Variants in IFT122 observed in about 807,000 individuals in gnomAD.
IFT122 encodes the protein intraflagellar transport protein 122 homolog.
In IFT122, 118 loss-of-function variants were observed where a neutral mutation model predicts 161.6. The observed-to-expected ratio is 0.73, with a 90% CI of 0.63 to 0.85. The LOEUF is 0.85. Among genes scored for constraint, IFT122 ranks in the 40% least tolerant of loss-of-function variants. The pLI is 0.00. For missense variants in IFT122, 1,381 were observed against 1,579.6 expected (o/e 0.87, Z 2.13); for synonymous variants, 550 against 602.4 (o/e 0.91, Z 1.27).
At chr3:129,509,113 G>A (rs2082497272) in intron 23 of IFT122, among the ~76,000 whole-genome samples, 1 of 152,200 alleles carries the variant, frequency 6.6e-6, no homozygotes, top group Non-Finnish European at 1.5e-5. Context: ...CGGTTGTCAT[G>A]TAAAGTCCAC....
At chr3:129,519,057 GT>G in intron 27 of IFT122, 49 bp from the exon 28 acceptor site, 1 of 1,484,454 alleles carries the variant, frequency 6.7e-7, no homozygotes, top group Non-Finnish European at 9.4e-7. Flanking sequence ...GGAGGCTAGG[GT>G]CTGTCTCCAT....
chr3:129,504,850 T>C (rs555354353), intron 21 of IFT122, among the ~76,000 whole-genome samples: 4 of 152,210 alleles, frequency 2.6e-5, no homozygotes, highest in African/African-American at 9.6e-5. Context: ...AGGGAGGTAA[T>C]GTGAGCCAGG....
chr3:129,476,020 C>G (rs886872337), intron 9 of IFT122: 10 of 464,126 alleles, frequency 2.2e-5, no homozygotes, highest in African/African-American at 2.0e-4. Flanking sequence ...CCCACAGTCT[C>G]CATCTTGGCG....
intron 14 of IFT122, 86 bp downstream of exon 14, chr3:129,481,780 GCTCTGGCC>G: frequency 6.8e-7 from 1 of 1,471,946 alleles, no homozygotes; most frequent in Non-Finnish European, 9.5e-7. Context: ...AGGCTCTCCT[GCTCTGGCC>G]CAGGCAGGTC....
At chr3:129,476,920 AGCCACTGGGTCTGTGT>A in intron 11 of IFT122, 119 bp downstream of exon 11, 1 of 1,145,774 alleles carries the variant, frequency 8.7e-7, no homozygotes, top group South Asian at 1.3e-5. Flanking sequence ...CAAACCTGTT[AGCCACTGGGTCTGTGT>A]CTTGTTTTCT....
At chr3:129,498,234 T>G (rs1198970651) in intron 18 of IFT122, among the ~76,000 whole-genome samples, 1 of 152,244 alleles carries the variant, frequency 6.6e-6, no homozygotes, top group East Asian at 1.9e-4. Flanking sequence ...TATGGCTCCC[T>G]CTCAGCCTCT....
chr3:129,451,777 G>A (rs1322539894), intron 2 of IFT122, 137 bp from the exon 3 acceptor site: 1 of 751,380 alleles, frequency 1.3e-6, no homozygotes, highest in Non-Finnish European at 2.3e-6. Flanking sequence ...TTTTGGTTTT[G>A]CAGTGCAGTT....
chr3:129,514,678 C>A (rs2083260331), intron 25 of IFT122, 124 bp downstream of exon 25: 2 of 1,143,458 alleles, frequency 1.7e-6, no homozygotes, highest in South Asian at 1.3e-5. Flanking sequence ...GCTCTGTGCC[C>A]CCTGCTCAAG....
intron 16 of IFT122, among the ~76,000 whole-genome samples, chr3:129,491,623 C>G (rs1353370683): frequency 6.6e-6 from 1 of 152,178 alleles, no homozygotes; most frequent in Non-Finnish European, 1.5e-5. Context: ...TTTATACCCT[C>G]TCAGCTTTCC....
intron 17 of IFT122, among the ~76,000 whole-genome samples, chr3:129,493,404 C>T (rs1358799320): frequency 3.9e-5 from 6 of 152,200 alleles, no homozygotes; most frequent in Non-Finnish European, 7.3e-5. Context: ...AGCCTCATAA[C>T]GTAATCTGCT....
intron 1 of IFT122, among the ~76,000 whole-genome samples, chr3:129,446,023 A>G (rs2073944631): frequency 6.6e-6 from 1 of 152,174 alleles, no homozygotes; most frequent in South Asian, 2.1e-4. Flanking sequence ...GTTTCAGGCC[A>G]TGATGGGAAA....
chr3:129,483,818 T>A (rs1577699376), intron 15 of IFT122, 136 bp downstream of exon 15: 1 of 974,498 alleles, frequency 1.0e-6, no homozygotes, highest in East Asian at 2.6e-5. Context: ...GGAGGCAGTC[T>A]GGGCCTGGAA....
chr3:129,516,958 G>T (rs1277878576), intron 26 of IFT122, among the ~76,000 whole-genome samples: 1 of 118,422 alleles, frequency 8.4e-6, no homozygotes, highest in Non-Finnish European at 1.7e-5. Flanking sequence ...CACAGAGACT[G>T]CCCCTACACA....
intron 3 of IFT122, 86 bp from the exon 4 acceptor site, chr3:129,458,513 T>C: frequency 8.7e-7 from 1 of 1,146,250 alleles, no homozygotes; most frequent in Non-Finnish European, 1.3e-6. Context: ...CTAGGTACCT[T>C]AAAGAACTAG....
chr3:129,465,114 A>AGTGTGTGTGTGTGT (rs56116340), intron 7 of IFT122, among the ~76,000 whole-genome samples: 2 of 142,304 alleles, frequency 1.4e-5, no homozygotes, highest in South Asian at 2.3e-4. Context: ...CATGTATATG[A>AGTGTGTGTGTGTGT]GTGTGTGTGT....
chr3:129,515,718 T>C, intron 26 of IFT122, 119 bp downstream of exon 26: 3 of 867,884 alleles, frequency 3.5e-6, no homozygotes, highest in South Asian at 1.4e-5. Context: ...TGTCCCTGTT[T>C]ATGAAATGAG....
chr3:129,476,083 G>C, intron 9 of IFT122: 1 of 562,078 alleles, frequency 1.8e-6, no homozygotes, highest in Non-Finnish European at 3.2e-6. Context: ...GGGACTAGGG[G>C]AGGTGCCACT....
intron 9 of IFT122, among the ~76,000 whole-genome samples, chr3:129,469,965 A>C: frequency 6.6e-6 from 1 of 152,212 alleles, no homozygotes; most frequent in South Asian, 2.1e-4. Flanking sequence ...AAAGCTGTAC[A>C]GATAGACAGC....
At chr3:129,486,516 C>T (rs1210438914) in intron 15 of IFT122, among the ~76,000 whole-genome samples, 1 of 152,156 alleles carries the variant, frequency 6.6e-6, no homozygotes, top group Non-Finnish European at 1.5e-5. Flanking sequence ...AAGGAAAGCT[C>T]ATTGTGTGCT....
Sources: allele counts gnomAD v4.1 joint callset (sites outside exome capture counted in the v4.1 genomes callset), GRCh38; gene constraint gnomAD v4.1.1; transcripts MANE v1.5; gene names NCBI Gene and HGNC (gene_info 2026-07-23, HGNC 2026-07-21).